OMA1: variants seen among roughly 807,000 people sequenced by gnomAD.
OMA1 encodes the protein OMA1 zinc metallopeptidase, also known as metalloendopeptidase OMA1, mitochondrial.
Under a neutral mutation model 30.9 loss-of-function variants are expected in OMA1, and 38 were observed. That is an observed-to-expected ratio of 1.23 (90% CI 0.95 to 1.61). The LOEUF is 1.61. OMA1 is among the 40% of genes most tolerant of loss of function. OMA1 has a pLI of 0.00. For missense variants in OMA1, 461 were observed against 349.2 expected (o/e 1.32, Z -2.55); for synonymous variants, 173 against 121.9 (o/e 1.42, Z -2.76).
intron 2 of OMA1, among the ~76,000 whole-genome samples, 156 bp downstream of exon 2, chr1:58,538,637 CTT>C (rs1339537784): frequency 2.0e-5 from 3 of 152,116 alleles, no homozygotes; most frequent in African/African-American, 7.2e-5. Context: ...AGAAACTTCA[CTT>C]TGAGCTAAAT....
intron 8 of OMA1, among the ~76,000 whole-genome samples, chr1:58,489,383 C>T (rs1400720684): frequency 6.6e-6 from 1 of 152,176 alleles, no homozygotes; most frequent in Non-Finnish European, 1.5e-5. Context: ...AAGGTGGCAG[C>T]GAGGCTGGGG....
At chr1:58,483,111 A>G (rs942336493) in intron 8 of OMA1, among the ~76,000 whole-genome samples, 2 of 152,216 alleles carry the variant, frequency 1.3e-5, no homozygotes, top group African/African-American at 4.8e-5. Flanking sequence ...ATTTCAGAAC[A>G]TGTAAGATTG....
chr1:58,494,349 T>A (rs1247838189), intron 8 of OMA1, among the ~76,000 whole-genome samples: 1 of 152,062 alleles, frequency 6.6e-6, no homozygotes, highest in Non-Finnish European at 1.5e-5. Flanking sequence ...ATTCAGGACA[T>A]AGGCATGGGC....
intron 6 of OMA1, among the ~76,000 whole-genome samples, chr1:58,529,207 T>C (rs1219284579): frequency 5.9e-5 from 9 of 152,190 alleles, no homozygotes; most frequent in Non-Finnish European, 1.0e-4. Flanking sequence ...AGTTATCCAA[T>C]CTCAAAAACA....
At chr1:58,537,361 G>A (rs1646534081) in intron 2 of OMA1, among the ~76,000 whole-genome samples, 1 of 152,070 alleles carries the variant, frequency 6.6e-6, no homozygotes, top group Admixed American at 6.6e-5. Context: ...GATTCCACAA[G>A]GTACAAGGGA....
intron 8 of OMA1, among the ~76,000 whole-genome samples, chr1:58,501,065 A>G (rs1195979851): frequency 1.3e-5 from 2 of 152,214 alleles, no homozygotes; most frequent in Admixed American, 6.5e-5. Context: ...GATAACCAAA[A>G]TATGTGGAAT....
chr1:58,536,719 C>T lies in OMA1; in HGVS notation c.523G>A (p.Ala175Thr). 1.1e-6 allele frequency: 1 copy of T among 872,572 alleles called. No individual in the cohort carries two copies. The allele number at this position is 872,572 out of a possible 1,614,324, so 54.1% of individuals were successfully genotyped here. Reference protein sequence around the residue: ...VGRGIRKWWQALPPNKKEVVK... With the variant: ...VGRGIRKWWQTLPPNKKEVVK... ...ACTTCCTTCTTGTTAGGAGGAAGTG[C>T]CTGCCACCATTTCCTTATGCCCCTA... The change falls in exon 3 of 9, where the codon GCA (alanine) becomes ACA (threonine). Residue 175 changes from alanine (A) to threonine (T), a missense_variant. Ala to Thr is a moderately conservative substitution (Grantham distance 58, BLOSUM62 0). Coordinates refer to ENST00000371226, the MANE Select transcript of OMA1 (RefSeq NM_145243.5).
intron 1 of OMA1, chr1:58,542,416 G>T (rs528251972): frequency 2.6e-5 from 4 of 152,154 alleles, no homozygotes; most frequent in Non-Finnish European, 5.9e-5. Flanking sequence ...TCTAGTTGGG[G>T]AGACAAAACT....
intron 8 of OMA1, among the ~76,000 whole-genome samples, chr1:58,490,900 G>T (rs1645673507): frequency 1.4e-5 from 2 of 142,512 alleles, no homozygotes; most frequent in Middle Eastern, 3.7e-3. Context: ...CTGCCTCCTG[G>T]GTTCACACCA....
intron 3 of OMA1, among the ~76,000 whole-genome samples, chr1:58,535,720 G>A (rs1435120970): frequency 6.6e-6 from 1 of 152,176 alleles, no homozygotes; most frequent in East Asian, 1.9e-4. Flanking sequence ...ATGAACTGGA[G>A]AGAAAATGAC....
chr1:58,519,383 C>A (rs543677887), intron 7 of OMA1, among the ~76,000 whole-genome samples: 1 of 152,108 alleles, frequency 6.6e-6, no homozygotes, highest in Non-Finnish European at 1.5e-5. Context: ...TCTGCAGACA[C>A]GTGAATGACC....
intron 8 of OMA1, among the ~76,000 whole-genome samples, chr1:58,488,754 T>G (rs561747030): frequency 6.6e-6 from 1 of 152,194 alleles, no homozygotes; most frequent in Non-Finnish European, 1.5e-5. Context: ...CCAGCCCCAG[T>G]GTGTAGTCTT....
intron 7 of OMA1, among the ~76,000 whole-genome samples, chr1:58,513,125 G>T (rs1646107353): frequency 6.6e-6 from 1 of 152,112 alleles, no homozygotes; most frequent in Non-Finnish European, 1.5e-5. Context: ...GGACTTGGTA[G>T]GAGGTGACTG....
chr1:58,522,511 A>G (rs1646280547), intron 7 of OMA1, among the ~76,000 whole-genome samples: 1 of 152,202 alleles, frequency 6.6e-6, no homozygotes, highest in African/African-American at 2.4e-5. Flanking sequence ...TCAGGGAGAT[A>G]CAAAGTTGCC....
intron 8 of OMA1, among the ~76,000 whole-genome samples, chr1:58,500,888 T>A (rs1645896072): frequency 6.6e-6 from 1 of 152,204 alleles, no homozygotes. Flanking sequence ...ATTCATATTT[T>A]ATAACAATCT....
intron 7 of OMA1, among the ~76,000 whole-genome samples, chr1:58,508,157 T>G (rs1646018752): frequency 6.6e-6 from 1 of 152,170 alleles, no homozygotes; most frequent in African/African-American, 2.4e-5. Flanking sequence ...TATTCCAAGC[T>G]AAAAGTATTA....
At chr1:58,496,337 T>C (rs1645801748) in intron 8 of OMA1, among the ~76,000 whole-genome samples, 1 of 152,190 alleles carries the variant, frequency 6.6e-6, no homozygotes, top group Non-Finnish European at 1.5e-5. Context: ...CTGAAATGGA[T>C]TTATCTTACA....
In OMA1 at chr1:58,534,854, T is replaced by G. The variant is rs548308164; in HGVS notation, c.730-523A>C. ...GGGAGGCTGAAGTGGGAGGATCGCT[T>G]GAGTCTAGGAGGTGGAGGTTGCAGT... is the stretch of plus-strand genomic sequence containing the variant. On this transcript the variant is annotated intron_variant, in intron 3 of 8. Coordinates refer to ENST00000371226, the MANE Select transcript of OMA1 (RefSeq NM_145243.5). 7.9e-5 allele frequency among the ~76,000 whole-genome samples: 12 copies of G among 152,270 alleles called. No homozygotes were observed. In the South Asian group the frequency reaches 2.5e-3, roughly 32 times the overall value.
Position 58,530,596 on chromosome 1 carries a change from C to A in OMA1, c.1140+5G>T. 1.1e-6 allele frequency: 1 copy of A among 871,396 alleles called. No homozygotes were observed. The highest frequency in any genetic ancestry group is 2.0e-6 in the Non-Finnish European group (1 of 500,852). 54.0% of individuals were successfully genotyped at this position (871,396 alleles called of 1,614,324 possible). ...GATCAATTCAAGTTATTGTCTCAGA[C>A]TTACCTCCTGCAATTTAGACTGTAT... On this transcript the variant is annotated splice_donor_5th_base_variant and intron_variant, in intron 6 of 8. Coordinates refer to ENST00000371226, the MANE Select transcript of OMA1 (RefSeq NM_145243.5).
Sources: allele counts gnomAD v4.1 joint callset (sites outside exome capture counted in the v4.1 genomes callset), GRCh38; gene constraint gnomAD v4.1.1; transcripts MANE v1.5; gene names NCBI Gene and HGNC (gene_info 2026-07-23, HGNC 2026-07-21).